Variants in ANKRD36C observed in about 807,000 individuals in gnomAD.
ANKRD36C encodes ankyrin repeat domain-containing protein 36C.
ANKRD36C carries 61 observed loss-of-function variants against 276.4 expected under a neutral mutation model. That is an observed-to-expected ratio of 0.22 (90% CI 0.18 to 0.27). The LOEUF (loss-of-function observed/expected upper bound fraction) is 0.27. Ranked by LOEUF, ANKRD36C falls within the 10% of genes least tolerant of loss-of-function variation. ANKRD36C has a pLI of 1.00. For synonymous variants in ANKRD36C, 483 were observed against 680.1 expected (o/e 0.71, Z 4.51); for missense variants, 1,447 against 2,032.3 (o/e 0.71, Z 5.54).
chr2:95,945,711 G>A (rs1678029842), intron 17 of ANKRD36C, among the ~76,000 whole-genome samples: 1 of 152,212 alleles, frequency 6.6e-6, no homozygotes, highest in African/African-American at 2.4e-5. Flanking sequence ...AAAAAAGACA[G>A]AACAAAGCAA....
intron 64 of ANKRD36C, chr2:95,853,130 T>C (rs1485948169): frequency 1.3e-5 from 2 of 153,054 alleles, no homozygotes; most frequent in Non-Finnish European, 2.9e-5. Flanking sequence ...AGAGACAGAG[T>C]GTGCTCTCTG....
In ANKRD36C at chr2:95,889,863, A is replaced by C. The variant is rs752540071; in HGVS notation, c.2895T>G (p.Ser965Arg). ...TATTCGGAACAGAATTTTCCTTGTC[A>C]CTTGTAGCCTGAATGGAATTTGAAA... is the stretch of plus-strand genomic sequence containing the variant. The change falls in exon 48 of 67, where the codon AGT (serine) becomes AGG (arginine). Residue 965 changes from serine (S) to arginine (R), a missense_variant. By Grantham distance (110) the Ser-to-Arg change is moderately radical. This residue lies in a region of ANKRD36C where 565 missense variants were observed against 539.5 expected (regional missense o/e 1.05). Coordinates refer to ENST00000456556, the Ensembl canonical transcript of ANKRD36C. The C allele has an allele frequency of 8.1e-6, 13 of 1,604,858 alleles. No homozygotes were observed. In the African/African-American group the frequency reaches 1.6e-4, roughly 20 times the overall value.
intron 42 of ANKRD36C, 29 bp downstream of exon 45, chr2:95,910,511 G>T: frequency 6.2e-7 from 1 of 1,604,594 alleles, no homozygotes; most frequent in East Asian, 2.3e-5. Context: ...ACATTAACTC[G>T]TTCACAATAT....
At chr2:95,965,928 T>A (rs1007777987) in intron 6 of ANKRD36C, among the ~76,000 whole-genome samples, 19 of 152,136 alleles carry the variant, frequency 1.2e-4, no homozygotes, top group African/African-American at 4.6e-4. Context: ...GTTTTTAATG[T>A]GCATTTGGGT....
rs540066679 is a variant in ANKRD36C, at chr2:95,874,261, C to T, written c.3540+2178G>A. Among the ~76,000 whole-genome samples, 734 of 152,286 alleles carry T rather than the reference C, an allele frequency of 4.8e-3. 3 individuals carry two copies. The highest frequency in any genetic ancestry group is 0.017 in the African/African-American group (694 of 41,540). ...AAAGAACAAAGCTGGAGGCATCACG[C>T]TACCTGACTTCAAACTATACTACAA... On this transcript the variant is annotated intron_variant, in intron 59 of 66. Coordinates refer to ENST00000456556, the Ensembl canonical transcript of ANKRD36C.
intron 50 of ANKRD36C, 144 bp downstream of exon 70, chr2:95,887,781 C>T: frequency 1.9e-6 from 2 of 1,068,522 alleles, no homozygotes; most frequent in East Asian, 5.2e-5. Context: ...CAGCGTCACC[C>T]AAGAACTTAT....
intron 54 of ANKRD36C, 49 bp from the exon 75 acceptor site, chr2:95,882,546 G>C: frequency 6.5e-7 from 1 of 1,548,624 alleles, no homozygotes. Context: ...ATATGATAAA[G>C]TTATCCATAC....
intron 30 of ANKRD36C, among the ~76,000 whole-genome samples, chr2:95,925,062 C>T (rs545009845): frequency 6.6e-6 from 1 of 151,566 alleles, no homozygotes; most frequent in East Asian, 2.0e-4. Flanking sequence ...GAAACATGCT[C>T]TGAAATAAGA....
intron 66 of ANKRD36C, 99 bp downstream of exon 86, chr2:95,851,595 C>T: frequency 9.5e-7 from 1 of 1,056,678 alleles, no homozygotes; most frequent in South Asian, 1.5e-5. Context: ...AAAAAATCTA[C>T]TTTTGGCCCC....
At chr2:95,910,438 C>T in intron 42 of ANKRD36C, 2 of 1,567,842 alleles carry the variant, frequency 1.3e-6, no homozygotes, top group Non-Finnish European at 1.7e-6. Flanking sequence ...TTCCTCGTCA[C>T]TTGTAGCCTG....
chr2:95,874,123 A>G (rs1159048298), intron 59 of ANKRD36C, among the ~76,000 whole-genome samples: 1 of 152,124 alleles, frequency 6.6e-6, no homozygotes, highest in Non-Finnish European at 1.5e-5. Context: ...TTATAGATTC[A>G]ATGCCATCAC....
At chr2:95,856,088 T>C (rs763606862) in exon 63 of ANKRD36C, 6 of 1,603,836 alleles carry the variant, frequency 3.7e-6, no homozygotes, top group Non-Finnish European at 5.1e-6. Flanking sequence ...TTTGGTTTTT[T>C]ATTGTGTCTT....
At position 95,980,385 on chromosome 2, in the gene ANKRD36C, T is replaced by G. The variant is rs568404723; in HGVS notation, c.731+263A>C. Among the ~76,000 whole-genome samples the G allele has an allele frequency of 2.5e-3, 387 of 152,206 alleles. 1 individual carries two copies. Among genetic ancestry groups the G allele is most frequent in the Admixed American group, 3.5e-3 (54 of 15,272 alleles). Reference sequence around the variant, plus strand: ...TAGGGGTTATACTGGAAATAAAATGTACAACATTGGAATCCCTAAGGAGAA... The same window carrying G: ...TAGGGGTTATACTGGAAATAAAATGGACAACATTGGAATCCCTAAGGAGAA... On this transcript the variant is annotated intron_variant, in intron 5 of 66. Transcript: ENST00000456556.
exon 61 of ANKRD36C, chr2:95,860,020 G>C: frequency 6.5e-7 from 1 of 1,547,342 alleles, no homozygotes; most frequent in Non-Finnish European, 8.7e-7. Flanking sequence ...TTTAAGTTCT[G>C]TTAATCTTTT....
chr2:95,909,756 G>T (rs1199995015), intron 42 of ANKRD36C, among the ~76,000 whole-genome samples: 1 of 150,774 alleles, frequency 6.6e-6, no homozygotes, highest in South Asian at 2.1e-4. Flanking sequence ...CCAATTCTAG[G>T]ATTGTTTCCT....
downstream of ANKRD36C, among the ~76,000 whole-genome samples, chr2:95,850,058 GT>G (rs1675257437): frequency 6.6e-6 from 1 of 152,264 alleles, no homozygotes; most frequent in South Asian, 2.1e-4. Context: ...CTAAGAGAAA[GT>G]CAGTATATGT....
At chr2:95,916,200 T>G in intron 36 of ANKRD36C, 29 bp from the exon 39 acceptor site, 1 of 1,602,556 alleles carries the variant, frequency 6.2e-7, no homozygotes, top group Non-Finnish European at 8.5e-7. Context: ...ACGTAATCAC[T>G]CACTCGTAAA....
intron 30 of ANKRD36C, 60 bp downstream of exon 30, chr2:95,925,292 G>A: frequency 6.5e-7 from 1 of 1,545,314 alleles, no homozygotes; most frequent in Non-Finnish European, 8.7e-7. Flanking sequence ...TCTATTCAGG[G>A]GTGGGACGTT....
At position 95,882,188 on chromosome 2, in the gene ANKRD36C, G is replaced by T. The variant is rs538072891; in HGVS notation, c.3367+114C>A. On this transcript the variant is annotated intron_variant, in intron 56 of 66. Transcript: ENST00000456556. ...ACTCAGTAGAAATGCACAATCTCAG[G>T]CCTGCTGAATCAGAAAGTGCATTTT... is the stretch of plus-strand genomic sequence containing the variant. 1.3e-5 allele frequency: 13 copies of T among 975,886 alleles called. No individual in the cohort carries two copies. The African/African-American group carries it at 1.5e-4, about 11-fold the overall frequency. 60.5% of individuals were successfully genotyped at this position (975,886 alleles called of 1,614,324 possible). A position where few individuals can be genotyped will look rare whatever the true frequency, so the allele number is the denominator to read the frequency against.
Sources: gnomAD v4.1 joint callset for allele counts (sites outside exome capture counted in the v4.1 genomes callset) on GRCh38, gnomAD v4.1.1 for gene constraint, gnomAD v4.1.1 regional missense constraint, MANE v1.5 for transcripts, NCBI Gene and HGNC (gene_info 2026-07-23, HGNC 2026-07-21) for gene names.